Variants in PFAS observed in about 807,000 individuals in gnomAD.
PFAS encodes the protein FGAM synthase.
PFAS carries 97 observed loss-of-function variants against 140.6 expected under a neutral mutation model. The ratio of observed to expected loss-of-function variants is 0.69; its 90% CI spans 0.59 to 0.82. The LOEUF is 0.82. Ranked by LOEUF, PFAS falls within the 40% of genes least tolerant of loss-of-function variation. The pLI is 0.00. For synonymous variants in PFAS, 679 were observed against 718.8 expected (o/e 0.94, Z 0.88); for missense variants, 1,656 against 1,780.2 (o/e 0.93, Z 1.26).
rs374186954 is a variant in PFAS at position 8,266,038 on chromosome 17, A to C, written c.2701+21A>C. 2 of 1,583,236 alleles carry C rather than the reference A, an allele frequency of 1.3e-6. No individual in the cohort carries two copies. The highest frequency in any genetic ancestry group is 2.3e-5 in the South Asian group (2 of 87,006). ...GAAAGGTGAGTGAAGACCCCTGGGG[A>C]GATAGCGCACAGGGTGCCAGGCGTG... is the stretch of plus-strand genomic sequence containing the variant. On this transcript the variant is annotated intron_variant, in intron 21 of 27. Transcript: ENST00000314666. The surrounding 1 kb of genome is among the most constrained non-coding windows in gnomAD (Gnocchi z 5.0).
intron 11 of PFAS, among the ~76,000 whole-genome samples, chr17:8,261,538 C>T (rs1300854619): frequency 7.2e-5 from 11 of 151,958 alleles, no homozygotes; most frequent in Admixed American, 5.9e-4. Flanking sequence ...CGCACCTGGC[C>T]GAGCATGTTT....
At chr17:8,255,947 A>G (rs369671441) in intron 6 of PFAS, 37 bp downstream of exon 6, 77 of 1,491,922 alleles carry the variant, frequency 5.2e-5, no homozygotes, top group Non-Finnish European at 6.7e-5. Context: ...ACCTGAGCCC[A>G]TGGGTGTTGG....
intron 9 of PFAS, 123 bp downstream of exon 9, chr17:8,257,086 T>A: frequency 9.4e-7 from 1 of 1,067,500 alleles, no homozygotes; most frequent in Non-Finnish European, 1.4e-6. Flanking sequence ...GGAAGGGCTC[T>A]AGGATAGCTG....
rs991715716 is a variant in PFAS, at chr17:8,249,332, T to C, written c.-87T>C. ...GAGGTGCTCTGTGGCCGCGAGTGCA[T>C]CTTCCACGTGAGTATAGTTACCGCG... On this transcript the variant is annotated 5_prime_UTR_variant, in exon 1 of 28. Coordinates refer to ENST00000314666, the MANE Select transcript of PFAS (RefSeq NM_012393.3). The C allele has an allele frequency of 3.3e-5, 5 of 152,162 alleles. No homozygotes were observed. Among genetic ancestry groups the C allele is most frequent in the Non-Finnish European group, 5.9e-5 (4 of 68,026 alleles). 9.4% of individuals were successfully genotyped at this position (152,162 alleles called of 1,614,324 possible).
rs762959124 is a variant in PFAS, at chr17:8,264,886, G to T, written c.2050-9G>T. ...CTTGCTCTCTTGCTAACCCCACCTG[G>T]TTCCACAGGTGGACCGCTCTGTGGG... On this transcript the variant is annotated splice_polypyrimidine_tract_variant and intron_variant, in intron 17 of 27. Coordinates refer to ENST00000314666, the MANE Select transcript of PFAS (RefSeq NM_012393.3). 9.8e-6 allele frequency: 15 copies of T among 1,537,914 alleles called. No individual in the cohort carries two copies. The highest frequency in any genetic ancestry group is 1.2e-5 in the Non-Finnish European group (14 of 1,131,162).
At chr17:8,257,187 G>A (rs1015288189) in intron 9 of PFAS, among the ~76,000 whole-genome samples, 3 of 152,142 alleles carry the variant, frequency 2.0e-5, no homozygotes, top group Non-Finnish European at 4.4e-5. Flanking sequence ...TTAAAAACTA[G>A]CCTTCATTCA....
chr17:8,267,389 G>C lies in PFAS; in HGVS notation c.3193G>C (p.Val1065Leu). The C allele has an allele frequency of 6.2e-7, 1 of 1,614,090 alleles. No homozygotes were observed. Among genetic ancestry groups the C allele is most frequent in the Non-Finnish European group, 8.5e-7 (1 of 1,180,000 alleles). ...CCCCCAAGGTGGTCCCAGCCCCCGA[G>C]TCGCCATCTTGCGAGAGGAGGGCAG... ...PREPGGPSPR[V>L]AILREEGSNG... The change falls in exon 25 of 28, where the codon GTC becomes CTC. Residue 1065 changes from valine (V) to leucine (L), a missense_variant. Physicochemically the swap from Val to Leu is conservative, Grantham distance 32 (BLOSUM62 1). Coordinates refer to ENST00000314666, the MANE Select transcript of PFAS (RefSeq NM_012393.3). This position sits in a 1 kb window ranked among gnomAD's most constrained non-coding sequence, Gnocchi z 4.9.
intron 1 of PFAS, among the ~76,000 whole-genome samples, chr17:8,252,097 C>G (rs576829314): frequency 3.2e-4 from 49 of 151,784 alleles, no homozygotes; most frequent in African/African-American, 9.4e-4. Flanking sequence ...AGTTGGAGAC[C>G]AGCCTGGCGA....
upstream of PFAS, chr17:8,248,030 C>T (rs753006313): frequency 1.9e-6 from 3 of 1,610,202 alleles, no homozygotes; most frequent in Middle Eastern, 1.7e-4. Flanking sequence ...GCCCGGCCAG[C>T]CGCCATGATG....
Position 8,265,965 on chromosome 17 carries a change from C to A in PFAS, c.2649C>A (p.Asp883Glu). The A allele has an allele frequency of 6.2e-7, 1 of 1,613,696 alleles. No homozygotes were observed. The highest frequency in any genetic ancestry group is 1.3e-5 in the African/African-American group (1 of 75,042). ...TTGGGGAACACCCTCCAGACCTGGACCTTCCTGAGAACTTGGTGCGGGCCT... is the reference window on the plus strand; with the variant it reads ...TTGGGGAACACCCTCCAGACCTGGAACTTCCTGAGAACTTGGTGCGGGCCT... ...SQLGEHPPDL[D>E]LPENLVRAFS... The change falls in exon 21 of 28, where the codon GAC (aspartate) becomes GAA (glutamate). Residue 883 changes from aspartate to glutamate, a missense_variant. Asp to Glu is a conservative substitution (Grantham distance 45, BLOSUM62 2). Around this residue, in one of 2 missense-constraint regions of PFAS, gnomAD observed 883 missense variants for 1,023.0 expected, o/e 0.86. Coordinates refer to ENST00000314666, the MANE Select transcript of PFAS (RefSeq NM_012393.3).
rs1989839643 is a variant in PFAS at position 8,266,939 on chromosome 17, A to C, written c.2967+41A>C. The C allele has an allele frequency of 2.5e-6, 4 of 1,599,172 alleles. No homozygotes were observed. The highest frequency in any genetic ancestry group is 3.4e-6 in the Non-Finnish European group (4 of 1,175,206). ...AGAGAGCGGTGTGCAGTGGGCAGTC[A>C]GAGTGGGGTGGCCGCGGTCCATCCC... On this transcript the variant is annotated intron_variant, in intron 23 of 27. Transcript: ENST00000314666. This position sits in a 1 kb window ranked among gnomAD's most constrained non-coding sequence, Gnocchi z 5.0.
rs372097267 is a variant in PFAS at position 8,264,445 on chromosome 17, C to T, written c.1918-25C>T. 22 of 1,613,022 alleles carry T rather than the reference C, an allele frequency of 1.4e-5. No individual in the cohort carries two copies. In the African/African-American group the frequency reaches 2.9e-4, roughly 22 times the overall value. ...GCCCAGCCCGCCCCAGGTGTTCACA[C>T]TGCCTGTCGCTGTCTGTGTTGCAGG... On this transcript the variant is annotated intron_variant, in intron 16 of 27. Coordinates refer to ENST00000314666, the MANE Select transcript of PFAS (RefSeq NM_012393.3).
In PFAS at chr17:8,250,340, AG is replaced by A. The variant is rs372901382; in HGVS notation, c.-80+1003del. 2.3e-3 allele frequency among the ~76,000 whole-genome samples: 354 copies of A among 152,274 alleles called. 5 individuals carry two copies. The South Asian group carries it at 0.03, about 13-fold the overall frequency. ...GAATTGTGGTTATGCAGTGGTCAGGAGGTTAATGCATTGGTCCAGGTGAGTG... is the reference window on the plus strand; with the variant it reads ...GAATTGTGGTTATGCAGTGGTCAGGAGTTAATGCATTGGTCCAGGTGAGTG... On this transcript the variant is annotated intron_variant, in intron 1 of 27. Coordinates refer to ENST00000314666, the MANE Select transcript of PFAS (RefSeq NM_012393.3).
At position 8,265,343 on chromosome 17, in the gene PFAS, C is replaced by T; in HGVS notation, c.2336C>T (p.Ala779Val). ...GCAGCCAAGCTCCCAGGGGAGGGCG[C>T]AGCTTTGGCGGATGCCTGTGAGGCT... ...MWAAKLPGEG[A>V]ALADACEAMV... is the part of the protein sequence containing the mutation. Residue 779 changes from alanine (A) to valine (V), a missense_variant, in exon 19 of 28, where the codon GCA becomes GTA. This residue lies in a region of PFAS where 883 missense variants were observed against 1,023.0 expected (regional missense o/e 0.86). Coordinates refer to ENST00000314666, the MANE Select transcript of PFAS (RefSeq NM_012393.3). 1 of 1,614,152 alleles carries T rather than the reference C, an allele frequency of 6.2e-7. No homozygotes were observed. Among genetic ancestry groups the T allele is most frequent in the South Asian group, 1.1e-5 (1 of 91,086 alleles).
chr17:8,266,158 G>A lies in PFAS; in HGVS notation c.2702-76G>A, dbSNP rs188652741. ...GACATTCTGACACACACTCTTGATG[G>A]ACTGACTCCGGAAGGTGGGGTGGGG... On this transcript the variant is annotated intron_variant, in intron 21 of 27. Transcript: ENST00000314666. The surrounding 1 kb of genome is among the most constrained non-coding windows in gnomAD (Gnocchi z 5.0). 2.0e-4 allele frequency: 315 copies of A among 1,590,536 alleles called. 3 individuals carry two copies. In the Middle Eastern group the frequency reaches 3.2e-3, roughly 16 times the overall value.
Position 8,266,611 on chromosome 17 carries a change from C to T in PFAS, c.2822-142C>T. The T allele has an allele frequency of 6.7e-7, 1 of 1,489,826 alleles. No individual in the cohort carries two copies. Among genetic ancestry groups the T allele is most frequent in the Non-Finnish European group, 8.9e-7 (1 of 1,127,016 alleles). The allele number at this position is 1,489,826 out of a possible 1,614,324, so 92.3% of individuals were successfully genotyped here. On this transcript the variant is annotated intron_variant, in intron 22 of 27. Coordinates refer to ENST00000314666, the MANE Select transcript of PFAS (RefSeq NM_012393.3). The surrounding 1 kb of genome is among the most constrained non-coding windows in gnomAD (Gnocchi z 5.0). ...AACATCCTCAGTCCTGCCGTCCTAG[C>T]CCTCATCCTCCCTGATCCCTACCCT...
chr17:8,258,307 T>G, intron 11 of PFAS, 108 bp downstream of exon 11: 1 of 1,208,244 alleles, frequency 8.3e-7, no homozygotes, highest in East Asian at 2.4e-5. Context: ...TTTAATATGT[T>G]GGCTTATCTT....
In PFAS at chr17:8,269,037, G is replaced by A. The variant is rs537007406; in HGVS notation, c.3790G>A (p.Gly1264Arg). The A allele has an allele frequency of 2.7e-5, 44 of 1,614,126 alleles. 2 individuals carry two copies. The Middle Eastern group carries it at 4.9e-4, about 18-fold the overall frequency. ...LAPLHWADDD[G>R]NPTEQYPLNP... is the part of the protein sequence containing the mutation. ...TCCACTGCACTGGGCTGATGATGAC[G>A]GGAACCCCACAGAGCAGTACCCTCT... Residue 1264 changes from glycine to arginine, a missense_variant, in exon 28 of 28, where the codon GGG (glycine) becomes AGG (arginine). This residue lies in a region of PFAS where 883 missense variants were observed against 1,023.0 expected (regional missense o/e 0.86). Coordinates refer to ENST00000314666, the MANE Select transcript of PFAS (RefSeq NM_012393.3).
In PFAS at chr17:8,267,728, C is replaced by T; in HGVS notation, c.3382+63C>T. The T allele has an allele frequency of 4.3e-6, 4 of 929,930 alleles. No homozygotes were observed. The South Asian group carries it at 6.1e-5, about 14-fold the overall frequency. The allele number at this position is 929,930 out of a possible 1,614,324, so 57.6% of individuals were successfully genotyped here. ...ATTCCTGAAGAGGTGCCTTTAGCCC[C>T]ATCTTCCTGGGCTGGGGATTGGCCT... On this transcript the variant is annotated intron_variant, in intron 26 of 27. Transcript: ENST00000314666. The surrounding 1 kb of genome is among the most constrained non-coding windows in gnomAD (Gnocchi z 4.9).
Sources: allele counts gnomAD v4.1 joint callset (sites outside exome capture counted in the v4.1 genomes callset), GRCh38; gene constraint gnomAD v4.1.1; regional missense constraint gnomAD v4.1.1; non-coding constraint Gnocchi (gnomAD v3.1); transcripts MANE v1.5; gene names NCBI Gene and HGNC (gene_info 2026-07-23, HGNC 2026-07-21).